SLC35F5: variants seen among roughly 807,000 people sequenced by gnomAD.
The protein encoded by SLC35F5 is solute carrier family 35 member F5.
A neutral mutation model predicts 68.6 loss-of-function variants in SLC35F5; 54 were observed. The ratio of observed to expected loss-of-function variants is 0.79; its 90% CI spans 0.63 to 0.99. The LOEUF (loss-of-function observed/expected upper bound fraction) is 0.99. SLC35F5 is among the 50% of genes least tolerant of loss of function. The probability of loss-of-function intolerance (pLI) is 0.00; values close to 1 mark genes in which losing one functional copy is unlikely to be tolerated. For missense variants in SLC35F5, 567 were observed against 626.9 expected (o/e 0.90, Z 1.02); for synonymous variants, 211 against 205.2 (o/e 1.03, Z -0.24).
intron 10 of SLC35F5, 42 bp from the exon 11 acceptor site, chr2:113,729,547 C>T (rs1463119649): frequency 1.9e-6 from 2 of 1,026,972 alleles, no homozygotes; most frequent in Non-Finnish European, 3.0e-6. Context: ...CTCATTAGCT[C>T]ATTCAATATA....
At chr2:113,745,364 G>T (rs1574261590) in intron 5 of SLC35F5, among the ~76,000 whole-genome samples, 1 of 152,108 alleles carries the variant, frequency 6.6e-6, no homozygotes, top group African/African-American at 2.4e-5. Flanking sequence ...CTGTGAATAA[G>T]GTCACCAAGC....
At chr2:113,741,698 T>TCAA (rs201668517) in intron 7 of SLC35F5, among the ~76,000 whole-genome samples, 28 of 91,964 alleles carry the variant, frequency 3.0e-4, no homozygotes, top group South Asian at 2.9e-3. Context: ...CGAAACTCCA[T>TCAA]TAAAAAAAAA....
At position 113,712,980 on chromosome 2, in the gene SLC35F5, T is replaced by C. The variant is rs1687044769; in HGVS notation, c.*2238A>G. The C allele has an allele frequency of 6.6e-6, 1 of 152,146 alleles. No individual in the cohort carries two copies. The highest frequency in any genetic ancestry group is 1.5e-5 in the Non-Finnish European group (1 of 68,028). The allele number at this position is 152,146 out of a possible 1,614,324, so 9.4% of individuals were successfully genotyped here. A position where few individuals can be genotyped will look rare whatever the true frequency, so the allele number is the denominator to read the frequency against. ...CCTAGTTTCTAGGTGATCTACAGAA[T>C]TGAAACAACCCAGCACAACTTTATT... On this transcript the variant is annotated 3_prime_UTR_variant, in exon 16 of 16. Transcript: ENST00000245680.
In SLC35F5 at chr2:113,731,609, T is replaced by C. The variant is rs766700621; in HGVS notation, c.960A>G (p.Glu320=). ...GVVLVNLAGS[E]KPAGRDTVGS... The stretch of plus-strand genomic sequence containing the variant: ...CTACTGTGTCTCTTCCAGCAGGTTT[T>C]TCAGACCCTGCCAGGTTTACCAGTA... Residue 320 remains glutamate (E), a synonymous_variant, in exon 10 of 16, where the codon GAA becomes GAG. Coordinates refer to ENST00000245680, the MANE Select transcript of SLC35F5 (RefSeq NM_025181.5). 9.3e-6 allele frequency: 15 copies of C among 1,613,204 alleles called. No homozygotes were observed. The highest frequency in any genetic ancestry group is 1.3e-5 in the Non-Finnish European group (15 of 1,179,452).
In SLC35F5 at chr2:113,719,238, A is replaced by C; in HGVS notation, c.1412T>G (p.Leu471Arg). 1 of 1,604,624 alleles carries C rather than the reference A, an allele frequency of 6.2e-7. No individual in the cohort carries two copies. Among genetic ancestry groups the C allele is most frequent in the South Asian group, 1.1e-5 (1 of 89,366 alleles). ...VFFSFFIVTL[L>R]CHYNNWDPVM... Reference sequence around the variant, plus strand: ...AGGATCCCAATTATTATAATGGCATAGGAGAGTTACAATAAAAAATGAAAA... The same window carrying C: ...AGGATCCCAATTATTATAATGGCATCGGAGAGTTACAATAAAAAATGAAAA... The change falls in exon 14 of 16, where the codon CTA becomes CGA. Residue 471 changes from leucine (L) to arginine (R), a missense_variant. By Grantham distance (102) the Leu-to-Arg change is moderately radical. Coordinates refer to ENST00000245680, the MANE Select transcript of SLC35F5 (RefSeq NM_025181.5).
At chr2:113,735,970 G>A (rs188457427) in intron 7 of SLC35F5, 112 bp from the exon 8 acceptor site, 18 of 631,212 alleles carry the variant, frequency 2.9e-5, no homozygotes, top group South Asian at 2.3e-4. Context: ...CTCACAAGAT[G>A]TTTTAAAAGC....
In SLC35F5 at chr2:113,731,639, G is replaced by A. The variant is rs755349474; in HGVS notation, c.930C>T (p.Gly310=). 30 of 1,612,132 alleles carry A rather than the reference G, an allele frequency of 1.9e-5. No individual in the cohort carries two copies. The highest frequency in any genetic ancestry group is 1.7e-4 in the Middle Eastern group (1 of 6,044). Residue 310 remains glycine (G), a synonymous_variant, in exon 10 of 16, where the codon GGC becomes GGT. Coordinates refer to ENST00000245680, the MANE Select transcript of SLC35F5 (RefSeq NM_025181.5). ...KLLAVILSIG[G]VVLVNLAGSE... is the part of the protein sequence containing the mutation. ...ACCCTGCCAGGTTTACCAGTACAAC[G>A]CCTCCAATGCTATGAGAATAACAGT...
intron 10 of SLC35F5, among the ~76,000 whole-genome samples, chr2:113,730,424 C>T (rs1374601890): frequency 6.6e-6 from 1 of 152,102 alleles, no homozygotes; most frequent in East Asian, 1.9e-4. Context: ...ATCTTGCATA[C>T]ACATGCACAT....
In SLC35F5 at chr2:113,718,940, A is replaced by G. The variant is rs1042103591; in HGVS notation, c.1496+214T>C. Among the ~76,000 whole-genome samples the G allele has an allele frequency of 2.0e-3, 294 of 150,060 alleles. 2 individuals are homozygous for G. The highest frequency in any genetic ancestry group is 6.5e-3 in the African/African-American group (263 of 40,740). On this transcript the variant is annotated intron_variant, in intron 14 of 15. Coordinates refer to ENST00000245680, the MANE Select transcript of SLC35F5 (RefSeq NM_025181.5). ...AAGAAAGAAAGAAAAAGAAAGGAAG[A>G]AAGGAAGGAAGGAAGAAAGAAAGAA...
Position 113,708,850 on chromosome 2 carries a change from A to G in SLC35F5, c.*6368T>C, listed in dbSNP as rs772724041. Reference sequence around the variant, plus strand: ...CAAGATCAAGCAGGTGATGAAAACTATACCTTTTGAACATGCATTAGGTAA... The same window carrying G: ...CAAGATCAAGCAGGTGATGAAAACTGTACCTTTTGAACATGCATTAGGTAA... On this transcript the variant is annotated 3_prime_UTR_variant, in exon 16 of 16. Coordinates refer to ENST00000245680, the MANE Select transcript of SLC35F5 (RefSeq NM_025181.5). 7.1e-6 allele frequency among the ~76,000 whole-genome samples: 1 copy of G among 141,334 alleles called. No homozygotes were observed. The highest frequency in any genetic ancestry group is 1.6e-5 in the Non-Finnish European group (1 of 61,850). 92.7% of individuals were successfully genotyped at this position (141,334 alleles called of 152,430 possible).
chr2:113,703,500 TAG>T (rs149607164), downstream of SLC35F5, among the ~76,000 whole-genome samples: 1,457 of 152,200 alleles, frequency 9.6e-3, 28 homozygotes, highest in African/African-American at 0.032. Flanking sequence ...TCACAGCAAA[TAG>T]AGAGTCCTTA....
At chr2:113,717,628 G>C in intron 15 of SLC35F5, 125 bp downstream of exon 15, 1 of 595,908 alleles carries the variant, frequency 1.7e-6, no homozygotes, top group South Asian at 2.5e-5. Context: ...CTGGAGTCCA[G>C]GCTTTAGCCC....
In SLC35F5 at chr2:113,735,875, C is replaced by T; in HGVS notation, c.751-17G>A. 2 of 1,499,618 alleles carry T rather than the reference C, an allele frequency of 1.3e-6. No homozygotes were observed. Among genetic ancestry groups the T allele is most frequent in the East Asian group, 2.3e-5 (1 of 44,062 alleles). The allele number at this position is 1,499,618 out of a possible 1,614,324, so 92.9% of individuals were successfully genotyped here. On this transcript the variant is annotated splice_polypyrimidine_tract_variant and intron_variant, in intron 7 of 15. Coordinates refer to ENST00000245680, the MANE Select transcript of SLC35F5 (RefSeq NM_025181.5). ...CAAAAACCACTAAAGAAAAAGAAAA[C>T]CAAAGTGAACCCTAATGAAAGACAT...
intron 9 of SLC35F5, 61 bp from the exon 10 acceptor site, chr2:113,731,709 A>G: frequency 3.0e-6 from 4 of 1,338,012 alleles, no homozygotes; most frequent in Non-Finnish European, 4.3e-6. Flanking sequence ...AATCATGAAG[A>G]TAAAAATTAT....
chr2:113,731,715 A>G lies in SLC35F5; in HGVS notation c.921-67T>C. The G allele has an allele frequency of 4.6e-6, 6 of 1,300,092 alleles. No individual in the cohort carries two copies. In the South Asian group the frequency reaches 7.1e-5, roughly 15 times the overall value. The allele number at this position is 1,300,092 out of a possible 1,614,324, so 80.5% of individuals were successfully genotyped here. A position where few individuals can be genotyped will look rare whatever the true frequency, so the allele number is the denominator to read the frequency against. On this transcript the variant is annotated intron_variant, in intron 9 of 15. Transcript: ENST00000245680. ...GAAAAGCCTAATCATGAAGATAAAA[A>G]TTATTTATAAGTGATCAAGACTAAT...
intron 14 of SLC35F5, 86 bp from the exon 15 acceptor site, chr2:113,717,936 A>G (rs552918877): frequency 2.2e-6 from 2 of 912,102 alleles, no homozygotes; most frequent in African/African-American, 3.3e-5. Context: ...GCCTGAAGCT[A>G]TGTGGACAGG....
intron 14 of SLC35F5, 99 bp from the exon 15 acceptor site, chr2:113,717,949 G>A (rs752343418): frequency 2.7e-6 from 2 of 732,716 alleles, no homozygotes; most frequent in Non-Finnish European, 4.4e-6. Context: ...TGGACAGGAT[G>A]CAAGTCAGTG....
chr2:113,741,330 T>C (rs915673133), intron 7 of SLC35F5, among the ~76,000 whole-genome samples: 2 of 152,076 alleles, frequency 1.3e-5, no homozygotes, highest in Non-Finnish European at 2.9e-5. Flanking sequence ...TTTTATAAGA[T>C]GAAAAAACTC....
At chr2:113,724,520 T>C (rs1687583223) in intron 12 of SLC35F5, among the ~76,000 whole-genome samples, 1 of 152,096 alleles carries the variant, frequency 6.6e-6, no homozygotes, top group African/African-American at 2.4e-5. Flanking sequence ...GAGAGTGATA[T>C]GGGGGATACC....
Sources: gnomAD v4.1 joint callset for allele counts (sites outside exome capture counted in the v4.1 genomes callset) on GRCh38, gnomAD v4.1.1 for gene constraint, MANE v1.5 for transcripts, NCBI Gene and HGNC (gene_info 2026-07-23, HGNC 2026-07-21) for gene names.